The following MYOM1 variants were observed in gnomAD, a reference collection of about 807,000 sequenced individuals.
MYOM1 encodes the protein myomesin 1.
MYOM1 carries 164 observed loss-of-function variants against 205.3 expected under a neutral mutation model. The observed-to-expected ratio is 0.80, with a 90% CI of 0.70 to 0.91. MYOM1 has a LOEUF of 0.91. MYOM1 is among the 40% of genes least tolerant of loss of function. The pLI is 0.00. For missense variants in MYOM1, 2,011 were observed against 2,127.3 expected (o/e 0.95, Z 1.08); for synonymous variants, 772 against 789.4 (o/e 0.98, Z 0.37).
intron 12 of MYOM1, among the ~76,000 whole-genome samples, chr18:3,150,486 T>G (rs1334703994): frequency 2.6e-5 from 4 of 152,144 alleles, no homozygotes; most frequent in Non-Finnish European, 5.9e-5. Flanking sequence ...TAGGTGACAT[T>G]TGGTAGTGTC....
chr18:3,136,119 C>T (rs7238533), intron 14 of MYOM1, among the ~76,000 whole-genome samples: 70,106 of 151,246 alleles, frequency 0.46, 16,615 homozygotes, highest in East Asian at 0.69. Flanking sequence ...ACTTGGCTCT[C>T]CTTCTGTCTT....
Position 3,090,809 on chromosome 18 carries a change from T to G in MYOM1, c.3865-7A>C, listed in dbSNP as rs753615433. ...CAATATGCATTTTATATTTCTTCAG[T>G]GTGAAAAGAAAATGACAGAGAAATC... On this transcript the variant is annotated splice_region_variant and splice_polypyrimidine_tract_variant and intron_variant, in intron 26 of 37. Transcript: ENST00000356443. 3.7e-5 allele frequency: 59 copies of G among 1,613,604 alleles called. No homozygotes were observed. In the Admixed American group the frequency reaches 9.3e-4, roughly 26 times the overall value.
chr18:3,135,832 T>A lies in MYOM1; in HGVS notation c.2026-102A>T, dbSNP rs1258850432. ...CATTCATCTGCAACAAACCACTCCCTGTAATGCAAGCTGGACTGGAGGAGA... is the reference window on the plus strand; with the variant it reads ...CATTCATCTGCAACAAACCACTCCCAGTAATGCAAGCTGGACTGGAGGAGA... On this transcript the variant is annotated intron_variant, in intron 14 of 37. Transcript: ENST00000356443. This position sits in a 1 kb window ranked among gnomAD's most constrained non-coding sequence, Gnocchi z 4.1. The A allele has an allele frequency of 2.4e-6, 3 of 1,261,748 alleles. No homozygotes were observed. Among genetic ancestry groups the A allele is most frequent in the Non-Finnish European group, 3.3e-6 (3 of 895,948 alleles). The allele number at this position is 1,261,748 out of a possible 1,614,324, so 78.2% of individuals were successfully genotyped here.
the MYOM1 span, among the ~76,000 whole-genome samples, chr18:3,242,610 G>C: frequency 1.3e-5 from 2 of 152,312 alleles, no homozygotes; most frequent in African/African-American, 4.8e-5. Context: ...TCAGGTTCAA[G>C]TGATTCTCCA....
chr18:3,098,464 A>G (rs1050551433), intron 25 of MYOM1, among the ~76,000 whole-genome samples: 1 of 151,964 alleles, frequency 6.6e-6, no homozygotes, highest in South Asian at 2.1e-4. Context: ...TTTTTAGTAG[A>G]GATGGGGTTT....
At chr18:3,118,317 C>T (rs1020371624) in intron 20 of MYOM1, among the ~76,000 whole-genome samples, 1 of 151,186 alleles carries the variant, frequency 6.6e-6, no homozygotes, top group Admixed American at 6.6e-5. Flanking sequence ...AAGTTGACAG[C>T]GCTCACCTGC....
intron 2 of MYOM1, among the ~76,000 whole-genome samples, chr18:3,201,721 A>G (rs2081071450): frequency 1.3e-5 from 2 of 150,542 alleles, no homozygotes. Context: ...GGTCATAACT[A>G]TAACCTCGAT....
In MYOM1 at chr18:3,187,440, G is replaced by T. The variant is rs78760271; in HGVS notation, c.929+40C>A. On this transcript the variant is annotated intron_variant, in intron 5 of 37. Coordinates refer to ENST00000356443, the MANE Select transcript of MYOM1 (RefSeq NM_003803.4). The stretch of plus-strand genomic sequence containing the variant: ...TTTCCACTAGAGGCGAACTTAACTT[G>T]GTGTAATGAATTCTGTTAGCTTTCA... 4,826 of 1,596,172 alleles carry T rather than the reference G, an allele frequency of 3.0e-3. 98 individuals are homozygous for T. The African/African-American group carries it at 0.049, about 16-fold the overall frequency.
At chr18:3,231,661 T>C in the MYOM1 span, among the ~76,000 whole-genome samples, 1 of 147,714 alleles carries the variant, frequency 6.8e-6, no homozygotes, top group Non-Finnish European at 1.5e-5. Context: ...TGCCTCAGCC[T>C]CCCCAGTAGC....
At chr18:3,074,871 C>G (rs1377851669) in intron 36 of MYOM1, among the ~76,000 whole-genome samples, 1 of 151,758 alleles carries the variant, frequency 6.6e-6, no homozygotes, top group Non-Finnish European at 1.5e-5. Context: ...AGTGCAGTGG[C>G]GTGATCTTGG....
rs894250996 is a variant in MYOM1 at position 3,075,747 on chromosome 18, A to T, written c.4663T>A (p.Tyr1555Asn). The change falls in exon 35 of 38, where the codon TAT becomes AAT. Residue 1555 changes from tyrosine (Y) to asparagine (N), a missense_variant. Tyr to Asn is a moderately radical substitution (Grantham distance 143). Transcript: ENST00000356443. Reference protein sequence around the residue: ...DLSGQAYDEAYAEFQRLKQAA... With the variant: ...DLSGQAYDEANAEFQRLKQAA... ...TACTTCAACCTCTGGAATTCAGCAT[A>T]GGCCTCATCGTATGCTTTAAAAGAA... 3 of 1,597,780 alleles carry T rather than the reference A, an allele frequency of 1.9e-6. No homozygotes were observed. The highest frequency in any genetic ancestry group is 2.6e-6 in the Non-Finnish European group (3 of 1,171,236).
the MYOM1 span, among the ~76,000 whole-genome samples, chr18:3,239,459 T>C: frequency 2.6e-5 from 4 of 152,060 alleles, no homozygotes; most frequent in Non-Finnish European, 4.4e-5. Flanking sequence ...TGACATCAAA[T>C]AGACAAGAGC....
At chr18:3,131,145 C>T (rs922322134) in intron 17 of MYOM1, among the ~76,000 whole-genome samples, 1 of 152,064 alleles carries the variant, frequency 6.6e-6, no homozygotes, top group African/African-American at 2.4e-5. Flanking sequence ...AACTTGGGTT[C>T]GTGAAGATGA....
intron 2 of MYOM1, among the ~76,000 whole-genome samples, chr18:3,194,572 C>T (rs1417967605): frequency 6.6e-6 from 1 of 152,086 alleles, no homozygotes; most frequent in Admixed American, 6.5e-5. Context: ...CACACTGGTA[C>T]AAATGTGCAC....
rs574920903 is a variant in MYOM1 at position 3,145,650 on chromosome 18, T to A, written c.1900+3495A>T. Among the ~76,000 whole-genome samples, 3 of 152,010 alleles carry A rather than the reference T, an allele frequency of 2.0e-5. No individual in the cohort carries two copies. The South Asian group carries it at 6.2e-4, about 31-fold the overall frequency. ...CTAAAGGAGTACTTAGAAAAAAATA[T>A]TTAGCACTAAATGCATGCGTTATAA... On this transcript the variant is annotated intron_variant, in intron 13 of 37. Transcript: ENST00000356443.
rs140359831 is a variant in MYOM1 at position 3,179,922 on chromosome 18, G to A, written c.930-3788C>T. 2.6e-5 allele frequency among the ~76,000 whole-genome samples: 4 copies of A among 152,198 alleles called. No individual in the cohort carries two copies. The highest frequency in any genetic ancestry group is 1.3e-4 in the Admixed American group (2 of 15,280). ...GATACCAACGGCTGTGACATGTGCT[G>A]TTTGACCAAATGACTCAGTGACACT... On this transcript the variant is annotated intron_variant, in intron 5 of 37. Coordinates refer to ENST00000356443, the MANE Select transcript of MYOM1 (RefSeq NM_003803.4). This position sits in a 1 kb window ranked among gnomAD's most constrained non-coding sequence, Gnocchi z 4.4.
At position 3,135,497 on chromosome 18, in the gene MYOM1, C is replaced by A. The variant is rs910552801; in HGVS notation, c.2209+50G>T. On this transcript the variant is annotated intron_variant, in intron 15 of 37. Coordinates refer to ENST00000356443, the MANE Select transcript of MYOM1 (RefSeq NM_003803.4). This position sits in a 1 kb window ranked among gnomAD's most constrained non-coding sequence, Gnocchi z 4.1. ...CTGGCCAAATATACATATACTAGATCCTTGCTTTGAAATTTTCTCTTGAAG... is the reference window on the plus strand; with the variant it reads ...CTGGCCAAATATACATATACTAGATACTTGCTTTGAAATTTTCTCTTGAAG... The A allele has an allele frequency of 1.3e-6, 2 of 1,553,490 alleles. No homozygotes were observed. The highest frequency in any genetic ancestry group is 1.9e-5 in the Admixed American group (1 of 53,464).
At chr18:3,221,259 A>G (rs1295229232), upstream of MYOM1, among the ~76,000 whole-genome samples, 2 of 152,152 alleles carry the variant, frequency 1.3e-5, no homozygotes, top group African/African-American at 4.8e-5. Context: ...GACTCGAGTA[A>G]TCCACCTGCC....
At chr18:3,132,900 G>C (rs1179654655) in intron 16 of MYOM1, among the ~76,000 whole-genome samples, 6 of 152,168 alleles carry the variant, frequency 3.9e-5, no homozygotes, top group African/African-American at 1.4e-4. Flanking sequence ...AAGGACTGCA[G>C]CCAGAGGAAA....
Sources: gnomAD v4.1 joint callset for allele counts (sites outside exome capture counted in the v4.1 genomes callset) on GRCh38, gnomAD v4.1.1 for gene constraint, Gnocchi (gnomAD v3.1) non-coding constraint, MANE v1.5 for transcripts, NCBI Gene and HGNC (gene_info 2026-07-23, HGNC 2026-07-21) for gene names.